Variants in ITPA observed in about 807,000 individuals in gnomAD.
The protein encoded by ITPA is inosine triphosphate pyrophosphatase.
A neutral mutation model predicts 29.6 loss-of-function variants in ITPA; 29 were observed. That is an observed-to-expected ratio of 0.98 (90% CI 0.73 to 1.34). ITPA has a LOEUF of 1.34. Among genes scored for constraint, ITPA ranks in the 40% most tolerant of loss-of-function variants. The pLI is 0.00. For synonymous variants in ITPA, 103 were observed against 99.3 expected (o/e 1.04, Z -0.22); for missense variants, 241 against 251.5 (o/e 0.96, Z 0.28).
chr20:3,217,920 T>A (rs2067347241), intron 5 of ITPA, among the ~76,000 whole-genome samples: 1 of 138,466 alleles, frequency 7.2e-6, no homozygotes, highest in African/African-American at 2.6e-5. Flanking sequence ...TTTTTTGTTT[T>A]TGTTTTTTCT....
intron 6 of ITPA, 103 bp downstream of exon 6, chr20:3,218,735 T>C: frequency 2.5e-6 from 2 of 799,130 alleles, no homozygotes; most frequent in Non-Finnish European, 2.1e-6. Context: ...GAGGGGCGCC[T>C]TGGGGCCAGA....
intron 1 of ITPA, among the ~76,000 whole-genome samples, chr20:3,210,661 C>T (rs2067149828): frequency 1.3e-5 from 2 of 152,070 alleles, no homozygotes; most frequent in South Asian, 4.1e-4. Flanking sequence ...GATCCTGAGG[C>T]CAGACCAGTC....
upstream of ITPA, chr20:3,204,473 C>T: frequency 1.3e-6 from 2 of 1,494,852 alleles, no homozygotes; most frequent in South Asian, 2.4e-5. Context: ...GCGCGACGGT[C>T]CACAAAGGCT....
At chr20:3,211,515 CAA>C (rs2067173873) in intron 1 of ITPA, among the ~76,000 whole-genome samples, 1 of 110,268 alleles carries the variant, frequency 9.1e-6, no homozygotes, top group Non-Finnish European at 2.1e-5. Context: ...TTTGTTTAGA[CAA>C]AGTCTCACTC....
intron 1 of ITPA, among the ~76,000 whole-genome samples, chr20:3,210,184 G>A (rs1390801764): frequency 6.6e-6 from 1 of 152,200 alleles, no homozygotes; most frequent in Non-Finnish European, 1.5e-5. Flanking sequence ...CTGTTTGCAG[G>A]GACTTTGTGG....
chr20:3,217,467 TTTTA>T (rs1230953752), intron 5 of ITPA, among the ~76,000 whole-genome samples: 8 of 152,158 alleles, frequency 5.3e-5, no homozygotes, highest in South Asian at 4.1e-4. Context: ...TTATTTTTAT[TTTTA>T]TTTGTTTTAA....
rs762598981 is a variant in ITPA, at chr20:3,209,564, T to C, written c.13T>C (p.Leu5=). 6.2e-6 allele frequency: 10 copies of C among 1,613,258 alleles called. No homozygotes were observed. Among genetic ancestry groups the C allele is most frequent in the African/African-American group, 1.3e-5 (1 of 74,832 alleles). ...ACCGGGGATCACCATGGCGGCCTCA[T>C]TGGTGGGGAAGAAGATCGTGTTTGT... is the stretch of plus-strand genomic sequence containing the variant. MAAS[L]VGKKIVFVTG... The change falls in exon 1 of 8, where the codon TTG becomes CTG. Residue 5 remains leucine (L), a synonymous_variant. Coordinates refer to ENST00000380113, the MANE Select transcript of ITPA (RefSeq NM_033453.4). This position sits in a 1 kb window ranked among gnomAD's most constrained non-coding sequence, Gnocchi z 4.6.
rs2067134066 is a variant in ITPA at position 3,209,917 on chromosome 20, A to AC, written c.66+300_66+301insC. ...AGCGGGGCTCTTAACAACCGCCCCG[A>AC]AGGTCACCTATTGAAGTAGACCCCA... On this transcript the variant is annotated intron_variant, in intron 1 of 7. Coordinates refer to ENST00000380113, the MANE Select transcript of ITPA (RefSeq NM_033453.4). This position sits in a 1 kb window ranked among gnomAD's most constrained non-coding sequence, Gnocchi z 4.6. Among the ~76,000 whole-genome samples, 1 of 152,024 alleles carries AC rather than the reference A, an allele frequency of 6.6e-6. No individual in the cohort carries two copies. Among genetic ancestry groups the AC allele is most frequent in the African/African-American group, 2.4e-5 (1 of 41,402 alleles).
upstream of ITPA, among the ~76,000 whole-genome samples, chr20:3,205,654 T>A (rs1011115290): frequency 5.3e-5 from 8 of 151,970 alleles, no homozygotes; most frequent in African/African-American, 7.3e-5. Flanking sequence ...TGAGCCATGA[T>A]CATGCCAGTG....
upstream of ITPA, among the ~76,000 whole-genome samples, chr20:3,207,689 C>T (rs1254175735): frequency 1.9e-5 from 2 of 105,038 alleles, no homozygotes; most frequent in African/African-American, 5.5e-5. Context: ...AGCAAGACTC[C>T]ATCTCAAAAC....
intron 5 of ITPA, among the ~76,000 whole-genome samples, chr20:3,216,248 T>C (rs1448481137): frequency 7.6e-6 from 1 of 131,934 alleles, no homozygotes; most frequent in East Asian, 2.5e-4. Context: ...CAACCTCCAC[T>C]TCCCGGATTC....
intron 7 of ITPA, among the ~76,000 whole-genome samples, chr20:3,222,542 C>G (rs1038105272): frequency 6.6e-6 from 1 of 152,144 alleles, no homozygotes; most frequent in Non-Finnish European, 1.5e-5. Context: ...ATTTTCTGAC[C>G]CCCATCTAGG....
At chr20:3,221,670 T>G in intron 6 of ITPA, 171 bp from the exon 7 acceptor site, 1 of 693,092 alleles carries the variant, frequency 1.4e-6, no homozygotes, top group Non-Finnish European at 2.6e-6. Context: ...CGCTCTGCTT[T>G]TTATTGTATT....
rs564801704 is a variant in ITPA at position 3,221,854 on chromosome 20, C to T, written c.425C>T (p.Ala142Val). Residue 142 changes from alanine (A) to valine (V), a missense_variant, in exon 7 of 8, where the codon GCA becomes GTA. Ala to Val is a moderately conservative substitution (Grantham distance 64). Transcript: ENST00000380113. ...TTCCTGTGGCAGGGCCGGATCGTGG[C>T]ACCCAGAGGCTGCCAGGACTTTGGC... ...FRGRTSGRIV[A>V]PRGCQDFGWD... 4 of 1,613,986 alleles carry T rather than the reference C, an allele frequency of 2.5e-6. No homozygotes were observed. In the African/African-American group the frequency reaches 4.0e-5, roughly 16 times the overall value.
chr20:3,207,788 A>G (rs1036435688), upstream of ITPA, among the ~76,000 whole-genome samples: 3 of 152,016 alleles, frequency 2.0e-5, no homozygotes, highest in Non-Finnish European at 2.9e-5. Context: ...CGACGTCAGG[A>G]GTTCGAGACC....
At chr20:3,218,169 C>G (rs977910713) in intron 5 of ITPA, among the ~76,000 whole-genome samples, 3 of 151,910 alleles carry the variant, frequency 2.0e-5, no homozygotes, top group Non-Finnish European at 4.4e-5. Flanking sequence ...CTGCCCGACC[C>G]GGCCTCCCAA....
chr20:3,217,379 C>T (rs1348262834), intron 5 of ITPA, among the ~76,000 whole-genome samples: 1 of 152,102 alleles, frequency 6.6e-6, no homozygotes, highest in Non-Finnish European at 1.5e-5. Flanking sequence ...CATCTGTAAC[C>T]CCCCTTATTT....
chr20:3,205,966 G>C (rs1330603460), upstream of ITPA, among the ~76,000 whole-genome samples: 2 of 148,236 alleles, frequency 1.3e-5, no homozygotes, highest in Admixed American at 6.9e-5. Flanking sequence ...TGAGGCAGGA[G>C]AATCACTTGA....
upstream of ITPA, chr20:3,204,481 G>T (rs1007521736): frequency 1.3e-6 from 2 of 1,514,106 alleles, no homozygotes; most frequent in Non-Finnish European, 8.9e-7. Flanking sequence ...GTCCACAAAG[G>T]CTCAGAAGGC....
Sources: allele counts gnomAD v4.1 joint callset (sites outside exome capture counted in the v4.1 genomes callset), GRCh38; gene constraint gnomAD v4.1.1; non-coding constraint Gnocchi (gnomAD v3.1); transcripts MANE v1.5; gene names NCBI Gene and HGNC (gene_info 2026-07-23, HGNC 2026-07-21).